The following NFIB variants were observed in gnomAD, a reference collection of about 807,000 sequenced individuals.
NFIB encodes the protein nuclear factor 1 B-type.
A neutral mutation model predicts 61.5 loss-of-function variants in NFIB; 11 were observed. The ratio of observed to expected loss-of-function variants is 0.18; its 90% confidence interval spans 0.11 to 0.30. The LOEUF is 0.30. Ranked by LOEUF, NFIB falls within the 10% of genes least tolerant of loss-of-function variation. NFIB has a pLI of 1.00. For missense variants in NFIB, 471 were observed against 608.9 expected (o/e 0.77, Z 2.38); for synonymous variants, 260 against 216.5 (o/e 1.20, Z -1.76).
intron 2 of NFIB, among the ~76,000 whole-genome samples, chr9:14,208,700 G>C (rs2050007262): frequency 6.6e-6 from 1 of 151,866 alleles, no homozygotes; most frequent in Admixed American, 6.6e-5. Flanking sequence ...TTAGGTACTT[G>C]GGATTATTCT....
At chr9:14,484,954 C>T in the NFIB span, among the ~76,000 whole-genome samples, 1 of 152,096 alleles carries the variant, frequency 6.6e-6, no homozygotes, top group African/African-American at 2.4e-5. Flanking sequence ...GGCTCTTTCC[C>T]TGACTCACAG....
intron 2 of NFIB, among the ~76,000 whole-genome samples, chr9:14,225,504 T>C: frequency 6.8e-6 from 1 of 146,550 alleles, no homozygotes. Context: ...ATAGGTAATA[T>C]GATAGATTTG....
intron 2 of NFIB, among the ~76,000 whole-genome samples, chr9:14,181,874 T>C (rs1004175141): frequency 3.3e-5 from 5 of 152,162 alleles, no homozygotes; most frequent in Admixed American, 6.5e-5. Context: ...AAGTTGTCAA[T>C]TGTTGCAGCA....
At chr9:14,326,672 T>C (rs2060755741) in intron 1 of NFIB, among the ~76,000 whole-genome samples, 1 of 138,122 alleles carries the variant, frequency 7.2e-6, no homozygotes, top group Non-Finnish European at 1.5e-5. Context: ...CCAGAGGTTT[T>C]CAAGAGCAGG....
At chr9:14,476,423 G>A in the NFIB span, among the ~76,000 whole-genome samples, 1 of 152,122 alleles carries the variant, frequency 6.6e-6, no homozygotes, top group African/African-American at 2.4e-5. Context: ...GGACAGTGAT[G>A]TGAGCCAGAT....
At chr9:14,472,543 C>T in the NFIB span, among the ~76,000 whole-genome samples, 2 of 152,058 alleles carry the variant, frequency 1.3e-5, no homozygotes, top group African/African-American at 2.4e-5. Flanking sequence ...TCTAGTAATT[C>T]GTTTTTATTA....
the NFIB span, among the ~76,000 whole-genome samples, chr9:14,509,078 T>C: frequency 6.6e-6 from 1 of 152,136 alleles, no homozygotes; most frequent in Non-Finnish European, 1.5e-5. Context: ...CTAAAATGAG[T>C]TGTTTCATTC....
chr9:14,126,507 A>G (rs1481313204), intron 6 of NFIB, among the ~76,000 whole-genome samples: 1 of 152,234 alleles, frequency 6.6e-6, no homozygotes, highest in Non-Finnish European at 1.5e-5. Flanking sequence ...TGAGGAAGGC[A>G]TTTCTCATTG....
intron 2 of NFIB, among the ~76,000 whole-genome samples, chr9:14,182,708 CTGTG>C (rs59897559): frequency 0.05 from 4,775 of 96,096 alleles, 163 homozygotes; most frequent in Non-Finnish European, 0.056. Flanking sequence ...CTCTCTCTCT[CTGTG>C]TGTGTGTGTG....
intron 2 of NFIB, among the ~76,000 whole-genome samples, chr9:14,198,732 T>C (rs563487984): frequency 3.3e-5 from 5 of 152,274 alleles, no homozygotes; most frequent in South Asian, 4.1e-4. Flanking sequence ...CGCACATTGT[T>C]CTCAGCCAGT....
intron 4 of NFIB, among the ~76,000 whole-genome samples, chr9:14,150,910 T>C (rs2042798776): frequency 6.6e-6 from 1 of 152,172 alleles, no homozygotes; most frequent in South Asian, 2.1e-4. Context: ...GCATTGTATG[T>C]CTTTATCAAA....
the NFIB span, among the ~76,000 whole-genome samples, chr9:14,434,496 A>G: frequency 1.6e-4 from 25 of 152,182 alleles, no homozygotes; most frequent in Admixed American, 5.2e-4. Context: ...GACTGCAGAG[A>G]CTCAAAAAGA....
In NFIB at chr9:14,298,834, A is replaced by G. The variant is rs79760055; in HGVS notation, c.562+8155T>C. ...GCAACTTAGCCAGGGCGTAAGTTAC[A>G]GCGCAAATGAATTGTTTTAACACAT... On this transcript the variant is annotated intron_variant, in intron 2 of 10. Transcript: ENST00000380953. Among the ~76,000 whole-genome samples the G allele has an allele frequency of 3.9e-4, 59 of 152,352 alleles. 1 individual carries two copies. In the East Asian group the frequency reaches 0.01, roughly 26 times the overall value.
chr9:14,330,950 C>T (rs2060814279), intron 1 of NFIB, among the ~76,000 whole-genome samples: 1 of 152,080 alleles, frequency 6.6e-6, no homozygotes, highest in South Asian at 2.1e-4. Flanking sequence ...CCCCTCTGTA[C>T]TGAGTTTCCC....
intron 4 of NFIB, among the ~76,000 whole-genome samples, chr9:14,155,030 G>T (rs191329774): frequency 2.4e-3 from 366 of 152,270 alleles, no homozygotes; most frequent in Non-Finnish European, 4.4e-3. Context: ...TCCGAAGTGT[G>T]ATGCATTCTA....
chr9:14,138,075 C>G (rs890055090), intron 6 of NFIB, among the ~76,000 whole-genome samples: 6 of 151,972 alleles, frequency 3.9e-5, no homozygotes, highest in African/African-American at 1.4e-4. Flanking sequence ...AGCAAGAGAG[C>G]CAGGGGTTCC....
chr9:14,475,571 C>A, the NFIB span, among the ~76,000 whole-genome samples: 1 of 152,112 alleles, frequency 6.6e-6, no homozygotes, highest in African/African-American at 2.4e-5. Context: ...ACCCCTGCAG[C>A]GTCTTGCTGA....
At chr9:14,192,134 G>A (rs749242635) in intron 2 of NFIB, among the ~76,000 whole-genome samples, 23 of 152,004 alleles carry the variant, frequency 1.5e-4, no homozygotes, top group Non-Finnish European at 3.1e-4. Context: ...TGTTGTTTTT[G>A]GTCTTAAAGA....
At chr9:14,365,127 A>C (rs1181540681) in intron 1 of NFIB, among the ~76,000 whole-genome samples, 1 of 152,254 alleles carries the variant, frequency 6.6e-6, no homozygotes, top group Non-Finnish European at 1.5e-5. Flanking sequence ...TGTCCTGCAC[A>C]TGCCAAGGAC....
Sources: allele counts gnomAD v4.1 joint callset (sites outside exome capture counted in the v4.1 genomes callset), GRCh38; gene constraint gnomAD v4.1.1; transcripts MANE v1.5; gene names NCBI Gene and HGNC (gene_info 2026-07-23, HGNC 2026-07-21).